ATRNL1: variants seen among roughly 807,000 people sequenced by gnomAD.
ATRNL1 encodes the protein attractin like 1.
ATRNL1 carries 95 observed loss-of-function variants against 182.7 expected under a neutral mutation model. That is an observed-to-expected ratio of 0.52 (90% CI 0.44 to 0.62). The LOEUF is 0.62. Among genes scored for constraint, ATRNL1 ranks in the 20% least tolerant of loss-of-function variants. ATRNL1 has a pLI of 0.00. For missense variants in ATRNL1, 1,471 were observed against 1,679.5 expected, an observed-to-expected ratio of 0.88 and a Z score of 2.17; for synonymous variants, 576 against 568.3, an observed-to-expected ratio of 1.01 and a Z score of -0.19.
At chr10:115,675,791 A>G (rs935536075) in intron 26 of ATRNL1, among the ~76,000 whole-genome samples, 62 of 152,208 alleles carry the variant, frequency 4.1e-4, no homozygotes, top group African/African-American at 1.3e-3. Flanking sequence ...CATACTTTAC[A>G]TATATTCAAT....
chr10:115,666,819 C>A (rs1555039809), intron 26 of ATRNL1, among the ~76,000 whole-genome samples: 2 of 152,086 alleles, frequency 1.3e-5, no homozygotes, highest in South Asian at 2.1e-4. Flanking sequence ...CTAGAATGAC[C>A]ACCTACCCTA....
chr10:115,537,245 G>A (rs1422842330), intron 25 of ATRNL1, among the ~76,000 whole-genome samples: 2 of 152,160 alleles, frequency 1.3e-5, no homozygotes, highest in East Asian at 3.9e-4. Flanking sequence ...CAAAGCTGAG[G>A]TTTATCGTAC....
At position 115,581,994 on chromosome 10, in the gene ATRNL1, G is replaced by A. The variant is rs534969114; in HGVS notation, c.3795+32458G>A. 4.4e-3 allele frequency among the ~76,000 whole-genome samples: 657 copies of A among 148,236 alleles called. 7 individuals are homozygous for A. The highest frequency in any genetic ancestry group is 0.015 in the African/African-American group (616 of 40,064). The stretch of plus-strand genomic sequence containing the variant: ...CCACCTATGAGTGAGAATATGCGGT[G>A]TTTGGTTTTTTGTTCTTGCGATAGT... On this transcript the variant is annotated intron_variant, in intron 26 of 28. Transcript: ENST00000355044.
At chr10:115,540,752 C>T (rs1350846319) in intron 25 of ATRNL1, among the ~76,000 whole-genome samples, 34 of 99,134 alleles carry the variant, frequency 3.4e-4, no homozygotes, top group African/African-American at 1.1e-3. Context: ...AGCAAAACTC[C>T]GTCTAAAAAA....
chr10:115,932,197 CCT>C (rs1238929277), intron 28 of ATRNL1, among the ~76,000 whole-genome samples: 2 of 152,298 alleles, frequency 1.3e-5, no homozygotes, highest in African/African-American at 2.4e-5. Flanking sequence ...TTCAGAGAAT[CCT>C]CTGTTAGATT....
chr10:115,257,216 T>C (rs961654461), intron 10 of ATRNL1, among the ~76,000 whole-genome samples: 1 of 152,206 alleles, frequency 6.6e-6, no homozygotes, highest in Non-Finnish European at 1.5e-5. Flanking sequence ...CTCTCTAATG[T>C]TGACAGTGGG....
intron 8 of ATRNL1, among the ~76,000 whole-genome samples, chr10:115,186,966 A>G (rs1365050457): frequency 6.6e-6 from 1 of 152,124 alleles, no homozygotes; most frequent in East Asian, 1.9e-4. Flanking sequence ...AAATAAAAAA[A>G]TTTATAAAGC....
At chr10:115,672,987 A>G (rs1289250240) in intron 26 of ATRNL1, among the ~76,000 whole-genome samples, 2 of 151,540 alleles carry the variant, frequency 1.3e-5, no homozygotes, top group Non-Finnish European at 1.5e-5. Context: ...CCTTTATTCC[A>G]CTCCCATATC....
intron 5 of ATRNL1, 145 bp from the exon 6 acceptor site, chr10:115,159,895 G>T: frequency 1.7e-6 from 1 of 593,986 alleles, no homozygotes; most frequent in East Asian, 3.3e-5. Flanking sequence ...TATTATTCTT[G>T]TAAGTTATAT....
chr10:115,866,113 A>G (rs1204150861), intron 28 of ATRNL1, among the ~76,000 whole-genome samples: 6 of 152,204 alleles, frequency 3.9e-5, no homozygotes, highest in African/African-American at 1.4e-4. Context: ...ACTAAATTAC[A>G]CTGTGCTTAT....
chr10:115,328,685 T>C (rs1249273501), intron 18 of ATRNL1, among the ~76,000 whole-genome samples: 1 of 152,124 alleles, frequency 6.6e-6, no homozygotes, highest in Admixed American at 6.5e-5. Flanking sequence ...GTGGTGATTG[T>C]CTTTCTGTGC....
At chr10:115,576,495 G>C (rs1039320587) in intron 26 of ATRNL1, among the ~76,000 whole-genome samples, 8 of 151,878 alleles carry the variant, frequency 5.3e-5, no homozygotes, top group Admixed American at 3.3e-4. Context: ...GTGTTGTTGA[G>C]CACTTTTCCA....
At chr10:115,207,975 C>A (rs1236452938) in intron 8 of ATRNL1, among the ~76,000 whole-genome samples, 1 of 152,080 alleles carries the variant, frequency 6.6e-6, no homozygotes, top group African/African-American at 2.4e-5. Flanking sequence ...AAACTCTTAT[C>A]ACTCTGGATT....
rs571139059 is a variant in ATRNL1, at chr10:115,204,892, C to T, written c.1349-10805C>T. Among the ~76,000 whole-genome samples the T allele has an allele frequency of 5.3e-5, 8 of 152,174 alleles. No homozygotes were observed. The East Asian group carries it at 1.5e-3, about 29-fold the overall frequency. Reference sequence around the variant, plus strand: ...TTTGGCAGAATTCATTAGCGAAGCTCATTTGTTCCTGGGCTTTCTTTGTTG... The same window carrying T: ...TTTGGCAGAATTCATTAGCGAAGCTTATTTGTTCCTGGGCTTTCTTTGTTG... On this transcript the variant is annotated intron_variant, in intron 8 of 28. Coordinates refer to ENST00000355044, the MANE Select transcript of ATRNL1 (RefSeq NM_207303.4).
At chr10:115,810,080 G>C (rs781976620) in intron 27 of ATRNL1, among the ~76,000 whole-genome samples, 1 of 151,590 alleles carries the variant, frequency 6.6e-6, no homozygotes, top group African/African-American at 2.4e-5. Context: ...TTGTTATTAT[G>C]GTAAATTAAA....
At chr10:115,360,031 T>G (rs1447240121) in intron 19 of ATRNL1, among the ~76,000 whole-genome samples, 3 of 151,702 alleles carry the variant, frequency 2.0e-5, no homozygotes, top group African/African-American at 7.2e-5. Context: ...ACAGAAGATA[T>G]TTGAGTAATT....
At chr10:115,136,804 A>G (rs1169703761) in intron 5 of ATRNL1, among the ~76,000 whole-genome samples, 5 of 152,136 alleles carry the variant, frequency 3.3e-5, no homozygotes, top group Non-Finnish European at 7.3e-5. Flanking sequence ...ATAATATTCC[A>G]TTATATGGAT....
intron 26 of ATRNL1, among the ~76,000 whole-genome samples, chr10:115,659,356 C>G (rs1351765197): frequency 6.6e-6 from 1 of 152,058 alleles, no homozygotes; most frequent in African/African-American, 2.4e-5. Flanking sequence ...CCCCCAGGCA[C>G]AGTTAATTAT....
chr10:115,394,324 CA>C lies in ATRNL1; in HGVS notation c.3176-332del, dbSNP rs1844181239. ...ATTTTGAACCCAAGCTGTTTGAGTA[CA>C]AAGCTCTGGCACTAACGCTTTGAAA... On this transcript the variant is annotated intron_variant, in intron 19 of 28. Transcript: ENST00000355044. 2.0e-5 allele frequency among the ~76,000 whole-genome samples: 3 copies of C among 151,996 alleles called. No homozygotes were observed. The East Asian group carries it at 5.8e-4, about 29-fold the overall frequency.
Sources: gnomAD v4.1 joint callset for allele counts (sites outside exome capture counted in the v4.1 genomes callset) on GRCh38, gnomAD v4.1.1 for gene constraint, MANE v1.5 for transcripts, NCBI Gene and HGNC (gene_info 2026-07-23, HGNC 2026-07-21) for gene names.